Variants in RDM1 observed in about 807,000 individuals in gnomAD.
The protein encoded by RDM1 is RAD52 motif-containing protein 1.
In RDM1, 28 loss-of-function variants were observed where a neutral mutation model predicts 27.7. That is an observed-to-expected ratio of 1.01 (90% CI 0.75 to 1.39). The LOEUF (loss-of-function observed/expected upper bound fraction) is 1.39. Ranked by LOEUF, RDM1 falls within the 40% of genes most tolerant of loss-of-function variation. RDM1 has a pLI of 0.00. For missense variants in RDM1, 277 were observed against 337.3 expected (o/e 0.82, Z 1.40); for synonymous variants, 124 against 127.5 (o/e 0.97, Z 0.19).
At chr17:35,920,474 A>G (rs1452630020) in intron 5 of RDM1, among the ~76,000 whole-genome samples, 1 of 88,328 alleles carries the variant, frequency 1.1e-5, no homozygotes, top group South Asian at 3.7e-4. Flanking sequence ...TTTTTTTTTT[A>G]GAAGACAGGG....
chr17:35,925,725 G>C (rs1469241256), intron 2 of RDM1, 88 bp from the exon 3 acceptor site: 1 of 1,443,338 alleles, frequency 6.9e-7, no homozygotes, highest in Non-Finnish European at 9.4e-7. Flanking sequence ...TACCAAGTGT[G>C]CAATGAAAAA....
intron 2 of RDM1, 107 bp from the exon 3 acceptor site, chr17:35,925,744 G>C: frequency 7.7e-7 from 1 of 1,290,574 alleles, no homozygotes; most frequent in Non-Finnish European, 1.1e-6. Flanking sequence ...AATTGTTACT[G>C]TCTTCCCATT....
chr17:35,928,297 A>G (rs1177434351), intron 2 of RDM1, among the ~76,000 whole-genome samples: 2 of 152,220 alleles, frequency 1.3e-5, no homozygotes, highest in African/African-American at 4.8e-5. Context: ...GGTTTCTACA[A>G]TACCGCTTAA....
intron 6 of RDM1, among the ~76,000 whole-genome samples, 195 bp downstream of exon 6, chr17:35,919,992 C>T (rs2088882104): frequency 6.6e-6 from 1 of 152,204 alleles, no homozygotes; most frequent in Non-Finnish European, 1.5e-5. Flanking sequence ...CAGTTCTCCT[C>T]TCCAAACTTC....
At chr17:35,919,686 T>C (rs1395267456) in intron 6 of RDM1, among the ~76,000 whole-genome samples, 1 of 152,240 alleles carries the variant, frequency 6.6e-6, no homozygotes, top group Non-Finnish European at 1.5e-5. Context: ...CGAAACATCA[T>C]TTTGTAGCAC....
At chr17:35,930,586 G>C (rs765911906) in intron 1 of RDM1, 46 bp downstream of exon 1, 1 of 1,562,474 alleles carries the variant, frequency 6.4e-7, no homozygotes, top group Non-Finnish European at 8.7e-7. Context: ...CAGTCAGCGG[G>C]TGGGCAGCTT....
chr17:35,922,576 C>T lies in RDM1; in HGVS notation c.667+1G>A, dbSNP rs762603843. 27 of 1,610,962 alleles carry T rather than the reference C, an allele frequency of 1.7e-5. No individual in the cohort carries two copies. The South Asian group carries it at 3.0e-4, about 18-fold the overall frequency. On this transcript the variant is annotated splice_donor_variant, in intron 5 of 6. Coordinates refer to ENST00000620284, the MANE Select transcript of RDM1 (RefSeq NM_145654.4). LOFTEE classifies it high-confidence loss of function. ...TTCAAGGATGATCAAGACAGTCTTA[C>T]CTAGAACAACAATCAACAGTTTCTG...
intron 1 of RDM1, 115 bp downstream of exon 1, chr17:35,930,517 A>T: frequency 9.7e-7 from 1 of 1,028,284 alleles, no homozygotes; most frequent in Non-Finnish European, 1.4e-6. Flanking sequence ...CTTTATAATT[A>T]AGAGTCCTTC....
intron 4 of RDM1, among the ~76,000 whole-genome samples, chr17:35,923,585 C>T (rs577082526): frequency 6.7e-6 from 1 of 149,012 alleles, no homozygotes; most frequent in African/African-American, 2.5e-5. Flanking sequence ...ATCACTTGAA[C>T]CTGGGAGATG....
At chr17:35,924,809 C>T (rs748853047) in intron 3 of RDM1, 37 bp from the exon 4 acceptor site, 3 of 1,589,616 alleles carry the variant, frequency 1.9e-6, no homozygotes, top group Admixed American at 1.7e-5. Context: ...TTCCTGGGGT[C>T]TTAATGTAGG....
Position 35,918,179 on chromosome 17 carries a change from AC to A in RDM1, c.*162del. ...CTACCCAAGCCTCCCTTCCCACTCCACCAGAACACCCCTTCCCTCCCCTTCG... is the reference window on the plus strand; with the variant it reads ...CTACCCAAGCCTCCCTTCCCACTCCACAGAACACCCCTTCCCTCCCCTTCG... On this transcript the variant is annotated 3_prime_UTR_variant, in exon 7 of 7. Coordinates refer to ENST00000620284, the MANE Select transcript of RDM1 (RefSeq NM_145654.4). The A allele has an allele frequency of 1.6e-6, 1 of 625,618 alleles. No individual in the cohort carries two copies. The highest frequency in any genetic ancestry group is 2.9e-6 in the Non-Finnish European group (1 of 349,654). 38.8% of individuals were successfully genotyped at this position (625,618 alleles called of 1,614,324 possible).
At chr17:35,926,760 G>A (rs1425631510) in intron 2 of RDM1, among the ~76,000 whole-genome samples, 10 of 152,036 alleles carry the variant, frequency 6.6e-5, no homozygotes, top group Non-Finnish European at 1.5e-4. Flanking sequence ...TGGTTTATAA[G>A]CTCCTTAAGT....
rs747388336 is a variant in RDM1 at position 35,925,598 on chromosome 17, C to T, written c.316G>A (p.Ala106Thr). 6.2e-7 allele frequency: 1 copy of T among 1,613,974 alleles called. No homozygotes were observed. Among genetic ancestry groups the T allele is most frequent in the South Asian group, 1.1e-5 (1 of 91,044 alleles). The change falls in exon 3 of 7, where the codon GCC (alanine) becomes ACC (threonine). Residue 106 changes from alanine (A) to threonine (T), a missense_variant. Transcript: ENST00000620284. ...GTRHKAVQHQ[A>T]LALNSSKCQE... ...CATTTGGAACTGTTCAGGGCAAGGGCTTGATGTTGAACTGCCTTATGTCTG... is the reference window on the plus strand; with the variant it reads ...CATTTGGAACTGTTCAGGGCAAGGGTTTGATGTTGAACTGCCTTATGTCTG...
intron 5 of RDM1, among the ~76,000 whole-genome samples, chr17:35,920,804 C>T (rs926964991): frequency 6.6e-6 from 1 of 151,948 alleles, no homozygotes; most frequent in Non-Finnish European, 1.5e-5. Context: ...ATATTCGGTA[C>T]AAAGGACTTT....
intron 6 of RDM1, among the ~76,000 whole-genome samples, chr17:35,919,365 A>T (rs2088859552): frequency 6.7e-6 from 1 of 149,936 alleles, no homozygotes; most frequent in Non-Finnish European, 1.5e-5. Context: ...AAGCTTGAGA[A>T]ATATGTCATT....
At chr17:35,927,301 G>A (rs1168080436) in intron 2 of RDM1, among the ~76,000 whole-genome samples, 3 of 152,006 alleles carry the variant, frequency 2.0e-5, no homozygotes, top group South Asian at 2.1e-4. Context: ...TTAGCTGGGC[G>A]TGGTGGTGCA....
intron 5 of RDM1, among the ~76,000 whole-genome samples, chr17:35,921,228 C>A (rs2088934457): frequency 6.6e-6 from 1 of 152,354 alleles, no homozygotes. Context: ...ACAACACACA[C>A]ACTTCGTTTG....
At position 35,920,190 on chromosome 17, in the gene RDM1, A is replaced by G; in HGVS notation, c.750T>C (p.Ile250=). The G allele has an allele frequency of 6.5e-7, 1 of 1,542,654 alleles. No homozygotes were observed. Among genetic ancestry groups the G allele is most frequent in the South Asian group, 1.1e-5 (1 of 87,792 alleles). The part of the protein sequence containing the change: ...VRCEEELHGL[I]QVPCSPWKQY... ...CTGAGTTTTTATCTTCACATACTTG[A>G]ATTAAACCGTGTAGTTCTTCTTCGC... The change falls in exon 6 of 7, where the codon ATT becomes ATC. Residue 250 remains isoleucine (I), a synonymous_variant. Coordinates refer to ENST00000620284, the MANE Select transcript of RDM1 (RefSeq NM_145654.4).
At chr17:35,928,728 C>G (rs1243235735) in intron 2 of RDM1, among the ~76,000 whole-genome samples, 1 of 150,780 alleles carries the variant, frequency 6.6e-6, no homozygotes, top group Non-Finnish European at 1.5e-5. Flanking sequence ...CACCATTGCA[C>G]TCCAGCCTGG....
Sources: allele counts gnomAD v4.1 joint callset (sites outside exome capture counted in the v4.1 genomes callset), GRCh38; gene constraint gnomAD v4.1.1; transcripts MANE v1.5; gene names NCBI Gene and HGNC (gene_info 2026-07-23, HGNC 2026-07-21).